The following MPG variants were observed in gnomAD, a reference collection of about 807,000 sequenced individuals.
MPG encodes DNA-3-methyladenine glycosylase.
In MPG, 33 loss-of-function variants were observed where a neutral mutation model predicts 31.7. The ratio of observed to expected loss-of-function variants is 1.04; its 90% CI spans 0.79 to 1.39. The LOEUF is 1.39. Ranked by LOEUF, MPG falls within the 40% of genes most tolerant of loss-of-function variation. The probability of loss-of-function intolerance (pLI) is 0.00; values close to 1 mark genes in which losing one functional copy is unlikely to be tolerated. For synonymous variants in MPG, 202 were observed against 169.2 expected (o/e 1.19, Z -1.51); for missense variants, 455 against 415.5 (o/e 1.10, Z -0.83).
intron 3 of MPG, among the ~76,000 whole-genome samples, chr16:83,701 A>G (rs1471734438): frequency 2.0e-5 from 3 of 150,168 alleles, no homozygotes; most frequent in African/African-American, 4.9e-5. Context: ...AGATCGCGCC[A>G]TTGCACTCCA....
At chr16:80,682 G>A (rs3176405) in intron 2 of MPG, among the ~76,000 whole-genome samples, 4 of 152,118 alleles carry the variant, frequency 2.6e-5, no homozygotes, top group Admixed American at 1.3e-4. Flanking sequence ...GATGACGGGC[G>A]CCTCTAATCT....
At chr16:84,080 C>G (rs927721063) in intron 3 of MPG, among the ~76,000 whole-genome samples, 5 of 152,118 alleles carry the variant, frequency 3.3e-5, no homozygotes, top group Middle Eastern at 3.2e-3. Context: ...TGAGGGCGGC[C>G]AGGCTTTGAC....
chr16:79,393 C>T lies in MPG; in HGVS notation c.25-32C>T, dbSNP rs556472769. ...CCTTACCACACAGCTGTCTCCTATTCGGATGCTTATTTATTTTTTTTCCCA... is the reference window on the plus strand; with the variant it reads ...CCTTACCACACAGCTGTCTCCTATTTGGATGCTTATTTATTTTTTTTCCCA... On this transcript the variant is annotated intron_variant, in intron 1 of 3. Coordinates refer to ENST00000356432, the MANE Select transcript of MPG (RefSeq NM_001015052.3). 4.3e-5 allele frequency: 70 copies of T among 1,613,790 alleles called. No homozygotes were observed. In the South Asian group the frequency reaches 5.3e-4, roughly 12 times the overall value.
At position 79,162 on chromosome 16, in the gene MPG, C is replaced by A. The variant is rs945622112; in HGVS notation, c.25-263C>A. On this transcript the variant is annotated intron_variant, in intron 1 of 3. Transcript: ENST00000356432. ...AGGTCATGCAGCCTGGGCCCCCATG[C>A]CGTGCAGCTCGCACATATGTGGGGC... 6 of 1,525,842 alleles carry A rather than the reference C, an allele frequency of 3.9e-6. No homozygotes were observed. In the Admixed American group the frequency reaches 1.2e-4, roughly 30 times the overall value. The allele number at this position is 1,525,842 out of a possible 1,614,324, so 94.5% of individuals were successfully genotyped here.
chr16:84,379 CT>C (rs1432773725), intron 3 of MPG: 4 of 152,274 alleles, frequency 2.6e-5, no homozygotes, highest in Non-Finnish European at 1.5e-5. Context: ...GTGCTCGCCC[CT>C]GGCTGCTGAT....
chr16:77,107 C>T (rs535630955), upstream of MPG: 1 of 152,306 alleles, frequency 6.6e-6, no homozygotes, highest in Non-Finnish European at 1.5e-5. Flanking sequence ...TGCCCAGTTG[C>T]TCTTCAAGGC....
chr16:78,336 G>A lies in MPG; in HGVS notation c.24+3G>A. On this transcript the variant is annotated splice_donor_region_variant and intron_variant, in intron 1 of 3. Transcript: ENST00000356432. ...TGCCCGCGCGCAGCGGGGCCCAGGTGAGCGCGCGCCTCGGCCGCCCCGCGG... is the reference window on the plus strand; with the variant it reads ...TGCCCGCGCGCAGCGGGGCCCAGGTAAGCGCGCGCCTCGGCCGCCCCGCGG... 1 of 1,267,556 alleles carries A rather than the reference G, an allele frequency of 7.9e-7. No homozygotes were observed. Among genetic ancestry groups the A allele is most frequent in the South Asian group, 2.5e-5 (1 of 39,940 alleles). The allele number at this position is 1,267,556 out of a possible 1,614,324, so 78.5% of individuals were successfully genotyped here.
chr16:85,774 C>T lies in MPG; in HGVS notation c.879C>T (p.Ala293=). 6.7e-7 allele frequency: 1 copy of T among 1,497,688 alleles called. No homozygotes were observed. Among genetic ancestry groups the T allele is most frequent in the South Asian group, 1.4e-5 (1 of 72,192 alleles). The allele number at this position is 1,497,688 out of a possible 1,614,324, so 92.8% of individuals were successfully genotyped here. A position where few individuals can be genotyped will look rare whatever the true frequency, so the allele number is the denominator to read the frequency against. Residue 293 remains alanine, a synonymous_variant, in exon 4 of 4, where the codon GCC becomes GCT. Coordinates refer to ENST00000356432, the MANE Select transcript of MPG (RefSeq NM_001015052.3). ...GAGTGGCTGAGCAGGACACACAGGC[C>T]TGAGCAAAGGGCCTGCCCAGACAAG... ...VDRVAEQDTQ[A] is the part of the protein sequence containing the mutation.
intron 1 of MPG, among the ~76,000 whole-genome samples, chr16:78,601 G>A (rs1034660087): frequency 2.6e-5 from 4 of 152,214 alleles, no homozygotes; most frequent in Non-Finnish European, 5.9e-5. Flanking sequence ...CCGACTGGCA[G>A]TCTCCGTTCT....
intron 2 of MPG, 59 bp from the exon 3 acceptor site, chr16:82,993 T>A (rs1228074461): frequency 6.8e-7 from 1 of 1,461,404 alleles, no homozygotes; most frequent in Non-Finnish European, 9.3e-7. Flanking sequence ...GGCTGGGCAC[T>A]GTTAGGGTGA....
rs1472792315 is a variant in MPG, at chr16:85,571, T to A, written c.676T>A (p.Phe226Ile). Residue 226 changes from phenylalanine to isoleucine, a missense_variant, in exon 4 of 4, where the codon TTT becomes ATT. Physicochemically the swap from Phe to Ile is conservative, Grantham distance 21. Transcript: ENST00000356432. ...LCQALAINKS[F>I]DQRDLAQDEA... ...CCAGGCCCTGGCCATCAACAAGAGC[T>A]TTGACCAGAGGGACCTGGCACAGGA... The A allele has an allele frequency of 1.2e-6, 2 of 1,613,210 alleles. No homozygotes were observed. Among genetic ancestry groups the A allele is most frequent in the African/African-American group, 2.7e-5 (2 of 74,946 alleles).
chr16:78,049 C>T (rs1179425445), upstream of MPG: 5 of 306,988 alleles, frequency 1.6e-5, no homozygotes, highest in Non-Finnish European at 2.4e-5. Flanking sequence ...TCCCCGCTCT[C>T]GCCTCGCAGG....
rs1567123190 is a variant in MPG, at chr16:79,526, C to G, written c.126C>G (p.Ser42Arg). Residue 42 changes from serine to arginine, a missense_variant, in exon 2 of 4, where the codon AGC becomes AGG. By Grantham distance (110) the Ser-to-Arg change is moderately radical (BLOSUM62 -1). Coordinates refer to ENST00000356432, the MANE Select transcript of MPG (RefSeq NM_001015052.3). Reference protein sequence around the residue: ...AAQAPAEQPHSSSDAAQAPCP... With the variant: ...AAQAPAEQPHRSSDAAQAPCP... Reference sequence around the variant, plus strand: ...AGGCACCTGCAGAGCAGCCACACAGCTCGTCCGATGCAGCCCAGGCACCTT... The same window carrying G: ...AGGCACCTGCAGAGCAGCCACACAGGTCGTCCGATGCAGCCCAGGCACCTT... The G allele has an allele frequency of 2.5e-6, 4 of 1,612,990 alleles. 1 individual carries two copies.
In MPG at chr16:85,597, T is replaced by C; in HGVS notation, c.702T>C (p.Asp234=). Residue 234 remains aspartate (D), a synonymous_variant, in exon 4 of 4, where the codon GAT becomes GAC. Coordinates refer to ENST00000356432, the MANE Select transcript of MPG (RefSeq NM_001015052.3). ...TTGACCAGAGGGACCTGGCACAGGA[T>C]GAAGCTGTATGGCTGGAGCGTGGTC... ...KSFDQRDLAQ[D]EAVWLERGPL... 1 of 1,611,588 alleles carries C rather than the reference T, an allele frequency of 6.2e-7. No homozygotes were observed. Among genetic ancestry groups the C allele is most frequent in the African/African-American group, 1.3e-5 (1 of 75,024 alleles).
rs1356092316 is a variant in MPG, at chr16:85,402, G to A, written c.507G>A (p.Gly169=). Residue 169 remains glycine (G), a splice_region_variant and synonymous_variant, in exon 4 of 4, where the codon GGG becomes GGA. Transcript: ENST00000356432. ...ACTTCCAAACTGTCCGTCCCACAGGGGACGGGGCTTGCGTCTTGCTGCGAG... is the reference window on the plus strand; with the variant it reads ...ACTTCCAAACTGTCCGTCCCACAGGAGACGGGGCTTGCGTCTTGCTGCGAG... ...MYFCMNISSQ[G]DGACVLLRAL... 2 of 1,602,704 alleles carry A rather than the reference G, an allele frequency of 1.2e-6. No individual in the cohort carries two copies. Among genetic ancestry groups the A allele is most frequent in the South Asian group, 1.1e-5 (1 of 90,482 alleles).
rs1482931060 is a variant in MPG at position 78,244 on chromosome 16, T to A, written c.-66T>A. 10 of 1,353,474 alleles carry A rather than the reference T, an allele frequency of 7.4e-6. No individual in the cohort carries two copies. Among genetic ancestry groups the A allele is most frequent in the Non-Finnish European group, 9.6e-6 (10 of 1,045,044 alleles). The allele number at this position is 1,353,474 out of a possible 1,614,324, so 83.8% of individuals were successfully genotyped here. On this transcript the variant is annotated 5_prime_UTR_variant, in exon 1 of 4. Coordinates refer to ENST00000356432, the MANE Select transcript of MPG (RefSeq NM_001015052.3). ...CGCCCCGGTCCTAGGGGTGCTTCCG[T>A]GGTCGGCGGCTGCTGGGCTCCGCGC...
At chr16:80,029 C>T (rs1455606666) in intron 2 of MPG, among the ~76,000 whole-genome samples, 1 of 152,262 alleles carries the variant, frequency 6.6e-6, no homozygotes, top group Non-Finnish European at 1.5e-5. Context: ...CACGTGGGAA[C>T]TGTGGCTGTG....
At chr16:80,678 G>A (rs1023986987) in intron 2 of MPG, among the ~76,000 whole-genome samples, 6 of 152,100 alleles carry the variant, frequency 3.9e-5, no homozygotes, top group Non-Finnish European at 7.4e-5. Flanking sequence ...GTGTGATGAC[G>A]GGCGCCTCTA....
chr16:80,635 C>A (rs1190474144), intron 2 of MPG, among the ~76,000 whole-genome samples: 1 of 152,012 alleles, frequency 6.6e-6, no homozygotes. Flanking sequence ...ATGGTGAAAC[C>A]CCATCTCTAC....
Sources: allele counts gnomAD v4.1 joint callset (sites outside exome capture counted in the v4.1 genomes callset), GRCh38; gene constraint gnomAD v4.1.1; transcripts MANE v1.5; gene names NCBI Gene and HGNC (gene_info 2026-07-23, HGNC 2026-07-21).